The following LAMA1 variants were observed in gnomAD, a reference collection of about 807,000 sequenced individuals.
LAMA1 encodes the protein laminin subunit alpha 1, also known as laminin subunit alpha-1.
A neutral mutation model predicts 348.7 loss-of-function variants in LAMA1; 219 were observed. The observed-to-expected ratio is 0.63, with a 90% CI of 0.56 to 0.70. The LOEUF (loss-of-function observed/expected upper bound fraction) is 0.70, where lower values mean the gene tolerates loss of function less well. Among genes scored for constraint, LAMA1 ranks in the 30% least tolerant of loss-of-function variants. The pLI is 0.00. For synonymous variants in LAMA1, 1,487 were observed against 1,491.0 expected (o/e 1.00, Z 0.06); for missense variants, 3,744 against 3,888.0 (o/e 0.96, Z 0.99).
At chr18:7,064,633 T>C (rs1030101431) in intron 3 of LAMA1, among the ~76,000 whole-genome samples, 2 of 152,208 alleles carry the variant, frequency 1.3e-5, no homozygotes, top group Admixed American at 6.5e-5. Flanking sequence ...GGCAGCCCCA[T>C]TTCTTGCCTG....
intron 29 of LAMA1, among the ~76,000 whole-genome samples, chr18:7,004,213 C>A (rs1037812429): frequency 6.7e-4 from 102 of 152,254 alleles, no homozygotes; most frequent in African/African-American, 2.3e-3. Context: ...AGAATGCCTG[C>A]CAATATTTCA....
At chr18:7,019,986 A>G (rs1378369974) in intron 19 of LAMA1, among the ~76,000 whole-genome samples, 1 of 152,072 alleles carries the variant, frequency 6.6e-6, no homozygotes, top group African/African-American at 2.4e-5. Context: ...CCGGCCTATT[A>G]TAGTAATTCT....
intron 36 of LAMA1, 67 bp from the exon 37 acceptor site, chr18:6,986,414 G>T: frequency 1.3e-6 from 2 of 1,489,256 alleles, no homozygotes; most frequent in Non-Finnish European, 1.9e-6. Context: ...TGAAATAATA[G>T]TGGAAAAAAT....
intron 1 of LAMA1, among the ~76,000 whole-genome samples, chr18:7,113,923 A>G (rs1421891309): frequency 6.6e-6 from 1 of 152,010 alleles, no homozygotes; most frequent in East Asian, 1.9e-4. Context: ...AAAGAATACA[A>G]AAAATTAGCT....
chr18:7,008,656 T>C (rs759731108), intron 27 of LAMA1, 48 bp from the exon 28 acceptor site: 3 of 1,609,408 alleles, frequency 1.9e-6, no homozygotes, highest in Non-Finnish European at 8.5e-7. Context: ...TTTGAAAAAC[T>C]TTCTAGAAAC....
intron 16 of LAMA1, among the ~76,000 whole-genome samples, chr18:7,029,961 T>C (rs530405452): frequency 2.3e-4 from 34 of 150,084 alleles, no homozygotes; most frequent in African/African-American, 8.4e-4. Flanking sequence ...TTCAAGCTTG[T>C]TTTTACAATA....
At position 6,990,712 on chromosome 18, in the gene LAMA1, G is replaced by A. The variant is rs79717153; in HGVS notation, c.5168+1849C>T. ...TCCACCTATGCTAGACTTAGATCTC[G>A]TTTCCCCGCCCCTGAAAGGCCCTCG... is the stretch of plus-strand genomic sequence containing the variant. On this transcript the variant is annotated intron_variant, in intron 36 of 62. Coordinates refer to ENST00000389658, the MANE Select transcript of LAMA1 (RefSeq NM_005559.4). Among the ~76,000 whole-genome samples the A allele has an allele frequency of 1.6e-3, 236 of 152,158 alleles. 2 individuals are homozygous for A. The highest frequency in any genetic ancestry group is 6.8e-3 in the Middle Eastern group (2 of 294).
intron 23 of LAMA1, among the ~76,000 whole-genome samples, chr18:7,012,660 C>T (rs1188264211): frequency 6.6e-6 from 1 of 150,422 alleles, no homozygotes; most frequent in Non-Finnish European, 1.5e-5. Flanking sequence ...CGCCTGCCAC[C>T]ATGCCCAGCT....
chr18:6,973,702 C>T (rs2057668717), intron 46 of LAMA1, among the ~76,000 whole-genome samples: 1 of 152,194 alleles, frequency 6.6e-6, no homozygotes, highest in South Asian at 2.1e-4. Context: ...GTCTACCATG[C>T]CACACCTTAC....
chr18:7,085,664 C>G (rs140352187), intron 1 of LAMA1, among the ~76,000 whole-genome samples: 1 of 151,984 alleles, frequency 6.6e-6, no homozygotes, highest in African/African-American at 2.4e-5. Context: ...CTGATCCGCC[C>G]GCCTCAGCCT....
chr18:6,950,629 C>T (rs1199668283), intron 58 of LAMA1, among the ~76,000 whole-genome samples, 153 bp downstream of exon 58: 1 of 152,170 alleles, frequency 6.6e-6, no homozygotes, highest in Admixed American at 6.5e-5. Flanking sequence ...AAGATCCCTG[C>T]CTTCAAGACT....
At chr18:6,981,337 GGGCTCCTACCTGGGAGTCTTCCTCACA>G (rs1338348006) in intron 41 of LAMA1, among the ~76,000 whole-genome samples, 26 of 152,104 alleles carry the variant, frequency 1.7e-4, no homozygotes, top group Admixed American at 1.7e-3. Context: ...CCCCTAGGGT[GGGCTCCTACCTGGGAGTCTTCCTCACA>G]GTCTCCCACC....
In LAMA1 at chr18:7,017,353, A is replaced by T; in HGVS notation, c.2733T>A (p.Ser911=). ...GCCCGGTCTCAAGATGGCACACGGC[A>T]GAATGGGAGCCTTTCACATGGCATT... The part of the protein sequence containing the change: ...ACECHVKGSH[S]AVCHLETGLC... Residue 911 remains serine, a synonymous_variant, in exon 20 of 63, where the codon TCT becomes TCA. Transcript: ENST00000389658. The T allele has an allele frequency of 6.2e-7, 1 of 1,614,096 alleles. No homozygotes were observed. Among genetic ancestry groups the T allele is most frequent in the Non-Finnish European group, 8.5e-7 (1 of 1,180,006 alleles).
In LAMA1 at chr18:6,942,216, G is replaced by T; in HGVS notation, c.9091C>A (p.Arg3031Ser). Reference sequence around the variant, plus strand: ...CACCCGCGGAACGAGGTCTGGCTGCGCAGGCATTTTTGCTTCACACCAGCT... The same window carrying T: ...CACCCGCGGAACGAGGTCTGGCTGCTCAGGCATTTTTGCTTCACACCAGCT... ...YPAGVKQKCLRSQTSFRGCLR... is the reference protein window; with the variant it reads ...YPAGVKQKCLSSQTSFRGCLR... The change falls in exon 63 of 63, where the codon CGC (arginine) becomes AGC (serine). Residue 3031 changes from arginine (R) to serine (S), a missense_variant. Physicochemically the swap from Arg to Ser is moderately radical, Grantham distance 110. This residue lies in a region of LAMA1 where 232 missense variants were observed against 264.4 expected (regional missense o/e 0.88). Coordinates refer to ENST00000389658, the MANE Select transcript of LAMA1 (RefSeq NM_005559.4). 6.2e-7 allele frequency: 1 copy of T among 1,614,100 alleles called. No homozygotes were observed. The highest frequency in any genetic ancestry group is 8.5e-7 in the Non-Finnish European group (1 of 1,180,038).
At chr18:7,072,225 G>C (rs1274167410) in intron 3 of LAMA1, among the ~76,000 whole-genome samples, 1 of 152,100 alleles carries the variant, frequency 6.6e-6, no homozygotes, top group Non-Finnish European at 1.5e-5. Flanking sequence ...TTAAGGCCTG[G>C]TTTAACATTT....
intron 1 of LAMA1, among the ~76,000 whole-genome samples, chr18:7,095,855 T>C (rs1329137958): frequency 6.6e-6 from 1 of 152,100 alleles, no homozygotes; most frequent in African/African-American, 2.4e-5. Flanking sequence ...GATCATGAGG[T>C]CAGGAATTGG....
chr18:7,038,281 C>T (rs2058004385), intron 11 of LAMA1, among the ~76,000 whole-genome samples: 1 of 152,164 alleles, frequency 6.6e-6, no homozygotes, highest in African/African-American at 2.4e-5. Flanking sequence ...AGCCATCACA[C>T]CATCTCCACC....
chr18:7,049,810 C>G (rs1352752658), intron 4 of LAMA1, among the ~76,000 whole-genome samples: 1 of 152,174 alleles, frequency 6.6e-6, no homozygotes, highest in Non-Finnish European at 1.5e-5. Context: ...ATACTATATA[C>G]TTAAAATCTG....
At position 6,941,876 on chromosome 18, in the gene LAMA1, G is replaced by A. The variant is rs2057499976; in HGVS notation, c.*203C>T. 1.6e-6 allele frequency: 1 copy of A among 612,254 alleles called. No individual in the cohort carries two copies. Among genetic ancestry groups the A allele is most frequent in the Non-Finnish European group, 2.9e-6 (1 of 348,592 alleles). 37.9% of individuals were successfully genotyped at this position (612,254 alleles called of 1,614,324 possible). A position where few individuals can be genotyped will look rare whatever the true frequency, so the allele number is the denominator to read the frequency against. ...AAAAATACGTTTAAAAAGAGAGCCAGGGAATTCAATTTACATTTTAGACCA... is the reference window on the plus strand; with the variant it reads ...AAAAATACGTTTAAAAAGAGAGCCAAGGAATTCAATTTACATTTTAGACCA... On this transcript the variant is annotated 3_prime_UTR_variant, in exon 63 of 63. Coordinates refer to ENST00000389658, the MANE Select transcript of LAMA1 (RefSeq NM_005559.4).
Sources: allele counts gnomAD v4.1 joint callset (sites outside exome capture counted in the v4.1 genomes callset), GRCh38; gene constraint gnomAD v4.1.1; regional missense constraint gnomAD v4.1.1; transcripts MANE v1.5; gene names NCBI Gene and HGNC (gene_info 2026-07-23, HGNC 2026-07-21).